The following NKAIN3 variants were observed in gnomAD, a reference collection of about 807,000 sequenced individuals.
The protein encoded by NKAIN3 is sodium/potassium transporting ATPase interacting 3.
Under a neutral mutation model 30.2 loss-of-function variants are expected in NKAIN3, and 25 were observed. The ratio of observed to expected loss-of-function variants is 0.83; its 90% CI spans 0.60 to 1.16. The LOEUF is 1.16. Ranked by LOEUF, NKAIN3 falls within the 50% of genes most tolerant of loss-of-function variation. The pLI is 0.00. For missense variants in NKAIN3, 225 were observed against 254.1 expected, an observed-to-expected ratio of 0.89 and a Z score of 0.78; for synonymous variants, 91 against 89.6, an observed-to-expected ratio of 1.02 and a Z score of -0.09.
chr8:62,455,338 T>A (rs1454458618), intron 1 of NKAIN3, among the ~76,000 whole-genome samples: 1 of 152,168 alleles, frequency 6.6e-6, no homozygotes. Flanking sequence ...TATGCAGTCA[T>A]CAAAAGGAAC....
chr8:62,301,988 C>T (rs774124423), intron 1 of NKAIN3, among the ~76,000 whole-genome samples: 3 of 152,016 alleles, frequency 2.0e-5, no homozygotes, highest in African/African-American at 7.2e-5. Flanking sequence ...CAGTGGCCAC[C>T]ACAGACTTTT....
At chr8:62,779,563 G>T (rs1817293412) in intron 4 of NKAIN3, among the ~76,000 whole-genome samples, 1 of 151,876 alleles carries the variant, frequency 6.6e-6, no homozygotes, top group Non-Finnish European at 1.5e-5. Context: ...TCTCTCTGTG[G>T]CAAGAAAGCC....
At chr8:62,814,960 T>C (rs1223971257) in intron 4 of NKAIN3, among the ~76,000 whole-genome samples, 1 of 151,878 alleles carries the variant, frequency 6.6e-6, no homozygotes, top group Non-Finnish European at 1.5e-5. Context: ...TTTGAAAGGA[T>C]CAACAAAATT....
At chr8:62,435,904 TAA>T (rs1805158158) in intron 1 of NKAIN3, among the ~76,000 whole-genome samples, 1 of 152,222 alleles carries the variant, frequency 6.6e-6, no homozygotes, top group Admixed American at 6.5e-5. Context: ...TTCAAAAATG[TAA>T]AGACAACATT....
chr8:62,558,754 T>C (rs1448211684), intron 1 of NKAIN3, among the ~76,000 whole-genome samples: 1 of 152,056 alleles, frequency 6.6e-6, no homozygotes, highest in Admixed American at 6.6e-5. Context: ...TTTTTCTAGG[T>C]TTTTCAGGTG....
intron 1 of NKAIN3, among the ~76,000 whole-genome samples, chr8:62,490,812 TC>T (rs35064201): frequency 0.071 from 10,870 of 152,180 alleles, 486 homozygotes; most frequent in East Asian, 0.13. Flanking sequence ...AGACGTAGAA[TC>T]ATTACTGGTT....
intron 1 of NKAIN3, among the ~76,000 whole-genome samples, chr8:62,320,285 C>A (rs1814827951): frequency 6.6e-6 from 1 of 152,088 alleles, no homozygotes; most frequent in Non-Finnish European, 1.5e-5. Flanking sequence ...ACTCTTTATC[C>A]AATTTGCCAG....
chr8:62,672,712 C>T (rs1040265950), intron 3 of NKAIN3, among the ~76,000 whole-genome samples: 1 of 152,154 alleles, frequency 6.6e-6, no homozygotes, highest in Non-Finnish European at 1.5e-5. Context: ...GCTGCTAATA[C>T]CTTTTCCTGA....
intron 4 of NKAIN3, among the ~76,000 whole-genome samples, chr8:62,870,607 A>T (rs1382516458): frequency 2.5e-5 from 3 of 119,538 alleles, no homozygotes; most frequent in African/African-American, 1.0e-4. Flanking sequence ...ACATATACAT[A>T]TACAATATAT....
intron 1 of NKAIN3, among the ~76,000 whole-genome samples, chr8:62,318,846 A>T (rs1198771527): frequency 6.6e-6 from 1 of 152,192 alleles, no homozygotes; most frequent in Non-Finnish European, 1.5e-5. Context: ...TGCTGGCCTC[A>T]TAAAATGAGT....
chr8:62,848,038 G>A (rs1381908306), intron 4 of NKAIN3, among the ~76,000 whole-genome samples: 2 of 152,078 alleles, frequency 1.3e-5, no homozygotes, highest in Non-Finnish European at 1.5e-5. Context: ...ATTGGTCTAT[G>A]TGTCTGCTCT....
At chr8:62,827,115 A>T (rs1176143031) in intron 4 of NKAIN3, among the ~76,000 whole-genome samples, 3 of 152,234 alleles carry the variant, frequency 2.0e-5, no homozygotes, top group Non-Finnish European at 4.4e-5. Flanking sequence ...GCTGGTATCA[A>T]TAAAGAGATA....
chr8:62,561,490 C>G (rs1487368239), intron 1 of NKAIN3, among the ~76,000 whole-genome samples: 1 of 152,098 alleles, frequency 6.6e-6, no homozygotes, highest in Non-Finnish European at 1.5e-5. Flanking sequence ...TTTATAAACT[C>G]CACATGTGTT....
intron 3 of NKAIN3, among the ~76,000 whole-genome samples, chr8:62,738,875 C>A (rs891347586): frequency 6.6e-6 from 1 of 152,000 alleles, no homozygotes; most frequent in Non-Finnish European, 1.5e-5. Flanking sequence ...GAAATGCCCT[C>A]CAATGATAGA....
At chr8:62,952,200 A>G (rs1487303558) in intron 5 of NKAIN3, among the ~76,000 whole-genome samples, 1 of 152,180 alleles carries the variant, frequency 6.6e-6, no homozygotes, top group Non-Finnish European at 1.5e-5. Context: ...AAAGATAAAT[A>G]TATTTATTTT....
At chr8:62,402,016 C>CTTGAAG (rs1241809414) in intron 1 of NKAIN3, among the ~76,000 whole-genome samples, 1 of 152,122 alleles carries the variant, frequency 6.6e-6, no homozygotes, top group Non-Finnish European at 1.5e-5. Context: ...TTCAAGTGTC[C>CTTGAAG]CCTGATCACA....
chr8:62,612,975 G>A (rs533394370), intron 3 of NKAIN3, among the ~76,000 whole-genome samples: 1 of 152,038 alleles, frequency 6.6e-6, no homozygotes, highest in African/African-American at 2.4e-5. Flanking sequence ...TAATTGCTAT[G>A]TCTTGAAAAG....
intron 4 of NKAIN3, chr8:62,857,031 C>A: frequency 2.0e-6 from 1 of 508,226 alleles, no homozygotes; most frequent in South Asian, 1.5e-5. Flanking sequence ...TCTTCTTGTT[C>A]TTCTTTGCTT....
At chr8:62,585,504 G>T (rs1810440743) in intron 2 of NKAIN3, among the ~76,000 whole-genome samples, 1 of 152,150 alleles carries the variant, frequency 6.6e-6, no homozygotes, top group South Asian at 2.1e-4. Flanking sequence ...CTCATTTCAT[G>T]GAAGACAATT....
Sources: gnomAD v4.1 joint callset for allele counts (sites outside exome capture counted in the v4.1 genomes callset) on GRCh38, gnomAD v4.1.1 for gene constraint, MANE v1.5 for transcripts, NCBI Gene and HGNC (gene_info 2026-07-23, HGNC 2026-07-21) for gene names.